The following ZBED1 variants were observed in gnomAD, a reference collection of about 807,000 sequenced individuals.
ZBED1 encodes the protein E3 SUMO-protein ligase ZBED1.
A neutral mutation model predicts 49.7 loss-of-function variants in ZBED1; 19 were observed. The observed-to-expected ratio is 0.38, with a 90% CI of 0.27 to 0.56. ZBED1 has a LOEUF of 0.56. ZBED1 is among the 20% of genes least tolerant of loss of function. ZBED1 has a pLI of 0.70. For missense variants in ZBED1, 806 were observed against 972.6 expected, an observed-to-expected ratio of 0.83 and a Z score of 2.28; for synonymous variants, 439 against 440.3, an observed-to-expected ratio of 1.00 and a Z score of 0.04.
Position 2,488,455 on chromosome X carries a change from A to G in ZBED1, c.*180T>C. Reference sequence around the variant, plus strand: ...CTCCCAAAGTGCTGCGATTATAGACAGGAGCCACCGCCCCCGACCCTCTCT... The same window carrying G: ...CTCCCAAAGTGCTGCGATTATAGACGGGAGCCACCGCCCCCGACCCTCTCT... On this transcript the variant is annotated 3_prime_UTR_variant, in exon 2 of 2. Coordinates refer to ENST00000652001, the MANE Select transcript of ZBED1 (RefSeq NM_001171136.2). The G allele has an allele frequency of 1.2e-6, 1 of 804,028 alleles. No individual in the cohort carries two copies. The highest frequency in any genetic ancestry group is 1.9e-6 in the Non-Finnish European group (1 of 535,490). 49.8% of individuals were successfully genotyped at this position (804,028 alleles called of 1,614,324 possible).
rs1262078391 is a variant in ZBED1, at chrX:2,486,447, G to C, written c.*2188C>G. The C allele has an allele frequency of 6.6e-6, 1 of 152,190 alleles. No individual in the cohort carries two copies. Among genetic ancestry groups the C allele is most frequent in the Non-Finnish European group, 1.5e-5 (1 of 68,036 alleles). The allele number at this position is 152,190 out of a possible 1,614,324, so 9.4% of individuals were successfully genotyped here. ...AATGAGGAGCTAATGCATTGCTCTGGTTTATTGAACAACAGTCCAACTTTA... is the reference window on the plus strand; with the variant it reads ...AATGAGGAGCTAATGCATTGCTCTGCTTTATTGAACAACAGTCCAACTTTA... On this transcript the variant is annotated 3_prime_UTR_variant, in exon 2 of 2. Coordinates refer to ENST00000652001, the MANE Select transcript of ZBED1 (RefSeq NM_001171136.2).
chrX:2,489,680 ACC>A lies in ZBED1; in HGVS notation c.1038_1039del (p.Val347GlufsTer170), dbSNP rs776141992. ...CCCCCACCAGGAGACGCGGTTGCTC[ACC>A]AGCATGCAGTGGGCCACGTTCTGCT... On this transcript the variant is annotated frameshift_variant, in exon 2 of 2. Coordinates refer to ENST00000652001, the MANE Select transcript of ZBED1 (RefSeq NM_001171136.2). LOFTEE classifies it high-confidence loss of function. 6.2e-7 allele frequency: 1 copy of A among 1,612,364 alleles called. No individual in the cohort carries two copies. Among genetic ancestry groups the A allele is most frequent in the Non-Finnish European group, 8.5e-7 (1 of 1,179,758 alleles).
chrX:2,489,032 T>C lies in ZBED1; in HGVS notation c.1688A>G (p.Glu563Gly). 1 of 1,613,444 alleles carries C rather than the reference T, an allele frequency of 6.2e-7. No homozygotes were observed. Residue 563 changes from glutamate (E) to glycine (G), a missense_variant, in exon 2 of 2, where the codon GAG becomes GGG. Transcript: ENST00000652001. ...CTCCTCCACCACCTGGGCATGCCAC[T>C]CTTCCTGGTCCTCCACGCCGCCTGT... ...CQTGGVEDQE[E>G]WHAQVVEELS...
chrX:2,486,437 C>T lies in ZBED1; in HGVS notation c.*2198G>A, dbSNP rs2044931032. On this transcript the variant is annotated 3_prime_UTR_variant, in exon 2 of 2. Transcript: ENST00000652001. Reference sequence around the variant, plus strand: ...CAGACAAATGAATGAGGAGCTAATGCATTGCTCTGGTTTATTGAACAACAG... The same window carrying T: ...CAGACAAATGAATGAGGAGCTAATGTATTGCTCTGGTTTATTGAACAACAG... 1 of 152,204 alleles carries T rather than the reference C, an allele frequency of 6.6e-6. No homozygotes were observed. The highest frequency in any genetic ancestry group is 2.1e-4 in the South Asian group (1 of 4,828). The allele number at this position is 152,204 out of a possible 1,614,324, so 9.4% of individuals were successfully genotyped here. A position where few individuals can be genotyped will look rare whatever the true frequency, so the allele number is the denominator to read the frequency against.
chrX:2,493,307 C>T (rs1271752272), intron 1 of ZBED1, among the ~76,000 whole-genome samples: 1 of 152,138 alleles, frequency 6.6e-6, no homozygotes, highest in Non-Finnish European at 1.5e-5. Flanking sequence ...ACAGCTGTAT[C>T]AGATCCTCCA....
chrX:2,498,364 G>A (rs1257747927), intron 1 of ZBED1, among the ~76,000 whole-genome samples: 1 of 152,172 alleles, frequency 6.6e-6, no homozygotes, highest in Admixed American at 6.5e-5. Context: ...GCCTACCAGA[G>A]AGAAGCAAAT....
chrX:2,500,760 G>C, intron 1 of ZBED1, 57 bp downstream of exon 1: 1 of 788,614 alleles, frequency 1.3e-6, no homozygotes, highest in Non-Finnish European at 1.5e-6. Context: ...CCGCCCCCGA[G>C]CCAGCCCGCG....
Position 2,490,178 on chromosome X carries a change from C to T in ZBED1, c.542G>A (p.Arg181Gln). ...GGCCAGCTCCTTCAGGATCACCTCC[C>T]GGACGGCCCCGTACTTCTCAGGGAT... ...KAIPEKYGAV[R>Q]EVILKELAEA... The change falls in exon 2 of 2, where the codon CGG (arginine) becomes CAG (glutamine). Residue 181 changes from arginine (R) to glutamine (Q), a missense_variant. By Grantham distance (43) the Arg-to-Gln change is conservative. Coordinates refer to ENST00000652001, the MANE Select transcript of ZBED1 (RefSeq NM_001171136.2). The T allele has an allele frequency of 1.9e-6, 3 of 1,613,970 alleles. No individual in the cohort carries two copies. Among genetic ancestry groups the T allele is most frequent in the South Asian group, 1.1e-5 (1 of 91,078 alleles).
Position 2,489,492 on chromosome X carries a change from T to C in ZBED1, c.1228A>G (p.Met410Val), listed in dbSNP as rs770368271. The change falls in exon 2 of 2, where the codon ATG becomes GTG. Residue 410 changes from methionine (M) to valine (V), a missense_variant. By Grantham distance (21) the Met-to-Val change is conservative. Transcript: ENST00000652001. The part of the protein sequence containing the change: ...LLQPFKQVAE[M>V]LSASRYPTIS... ...GTGGGGTACCTGGAGGCCGACAGCA[T>C]CTCGGCCACCTGCTTGAAGGGCTGC... The C allele has an allele frequency of 3.7e-6, 6 of 1,613,404 alleles. No individual in the cohort carries two copies. In the Admixed American group the frequency reaches 8.3e-5, roughly 22 times the overall value.
chrX:2,493,059 G>GAGCCCAT lies in ZBED1; in HGVS notation c.-53-2288_-53-2287insATGGGCT, dbSNP rs2045196464. Among the ~76,000 whole-genome samples, 4 of 152,242 alleles carry GAGCCCAT rather than the reference G, an allele frequency of 2.6e-5. No homozygotes were observed. The South Asian group carries it at 8.3e-4, about 31-fold the overall frequency. On this transcript the variant is annotated intron_variant, in intron 1 of 1. Coordinates refer to ENST00000652001, the MANE Select transcript of ZBED1 (RefSeq NM_001171136.2). The stretch of plus-strand genomic sequence containing the variant: ...GTGAGCTGGGCATTGCCAGAGCCCA[G>GAGCCCAT]CAGTGCCACTTCCCAAGACTGGGGT...
intron 1 of ZBED1, among the ~76,000 whole-genome samples, chrX:2,494,301 C>T (rs1354007499): frequency 6.6e-6 from 1 of 151,842 alleles, no homozygotes; most frequent in East Asian, 1.9e-4. Context: ...GAAGAGGTCT[C>T]GACACCTGGA....
intron 1 of ZBED1, among the ~76,000 whole-genome samples, chrX:2,493,250 G>A (rs752038062): frequency 1.8e-4 from 27 of 152,262 alleles, no homozygotes; most frequent in African/African-American, 6.0e-4. Context: ...AACGGAGGGG[G>A]AAAAGAATCT....
chrX:2,489,543 T>TGGCCCACTCGCTGGC lies in ZBED1; in HGVS notation c.1162_1176dup (p.Ala388_Ala392dup). On this transcript the variant is annotated inframe_insertion, in exon 2 of 2. Coordinates refer to ENST00000652001, the MANE Select transcript of ZBED1 (RefSeq NM_001171136.2). ...AGGAGCTCCACCAGCCCCTCGATGG[T>TGGCCCACTCGCTGGC]GGCCCACTCGCTGGCCTCCAGCATG... is the stretch of plus-strand genomic sequence containing the variant. 6.2e-7 allele frequency: 1 copy of TGGCCCACTCGCTGGC among 1,612,744 alleles called. No individual in the cohort carries two copies. Among genetic ancestry groups the TGGCCCACTCGCTGGC allele is most frequent in the Non-Finnish European group, 8.5e-7 (1 of 1,179,820 alleles).
At chrX:2,499,607 C>CA (rs2045362707) in intron 1 of ZBED1, among the ~76,000 whole-genome samples, 2 of 151,396 alleles carry the variant, frequency 1.3e-5, no homozygotes, top group Admixed American at 1.3e-4. Context: ...GCCATCTCTA[C>CA]AAAAAATTTA....
Position 2,489,113 on chromosome X carries a change from G to T in ZBED1, c.1607C>A (p.Ser536Tyr). The part of the protein sequence containing the change: ...EPPVKKLMRT[S>Y]TPPPASVINN... The stretch of plus-strand genomic sequence containing the variant: ...GATGACGCTGGCGGGCGGCGGCGTG[G>T]ATGTCCGCATGAGCTTCTTGACGGG... Residue 536 changes from serine (S) to tyrosine (Y), a missense_variant, in exon 2 of 2, where the codon TCC (serine) becomes TAC (tyrosine). Physicochemically the swap from Ser to Tyr is moderately radical, Grantham distance 144 (BLOSUM62 -2). Transcript: ENST00000652001. 1 of 1,613,618 alleles carries T rather than the reference G, an allele frequency of 6.2e-7. No individual in the cohort carries two copies. Among genetic ancestry groups the T allele is most frequent in the Non-Finnish European group, 8.5e-7 (1 of 1,179,850 alleles).
chrX:2,493,780 G>A (rs1038713194), intron 1 of ZBED1, among the ~76,000 whole-genome samples: 2 of 152,056 alleles, frequency 1.3e-5, no homozygotes, highest in Non-Finnish European at 2.9e-5. Flanking sequence ...GACCACCCTG[G>A]ACAACATGGT....
In ZBED1 at chrX:2,489,758, T is replaced by C; in HGVS notation, c.962A>G (p.Tyr321Cys). 6.2e-7 allele frequency: 1 copy of C among 1,613,340 alleles called. No individual in the cohort carries two copies. The highest frequency in any genetic ancestry group is 8.5e-7 in the Non-Finnish European group (1 of 1,179,866). The part of the protein sequence containing the change: ...LLSRCRKLVE[Y>C]FQQSAVAMYM... ...CATGGCCACGGCAGACTGCTGGAAGTACTCCACCAGTTTGCGGCAGCGCGA... is the reference window on the plus strand; with the variant it reads ...CATGGCCACGGCAGACTGCTGGAAGCACTCCACCAGTTTGCGGCAGCGCGA... Residue 321 changes from tyrosine to cysteine, a missense_variant, in exon 2 of 2, where the codon TAC (tyrosine) becomes TGC (cysteine). Tyr to Cys is a radical substitution (Grantham distance 194, BLOSUM62 -2). Transcript: ENST00000652001.
intron 1 of ZBED1, among the ~76,000 whole-genome samples, chrX:2,496,836 T>G (rs1413417613): frequency 6.7e-6 from 1 of 149,426 alleles, no homozygotes; most frequent in Non-Finnish European, 1.5e-5. Flanking sequence ...AAATATAACT[T>G]ATTTGTATTT....
At position 2,487,334 on chromosome X, in the gene ZBED1, C is replaced by T. The variant is rs956652506; in HGVS notation, c.*1301G>A. 6.6e-6 allele frequency: 1 copy of T among 152,072 alleles called. No individual in the cohort carries two copies. The highest frequency in any genetic ancestry group is 6.5e-5 in the Admixed American group (1 of 15,270). The allele number at this position is 152,072 out of a possible 1,614,324, so 9.4% of individuals were successfully genotyped here. ...AACTGGACTTTTAGGGCTGAGACACCGAAGACATAACCTCCGGACCCGTGA... is the reference window on the plus strand; with the variant it reads ...AACTGGACTTTTAGGGCTGAGACACTGAAGACATAACCTCCGGACCCGTGA... On this transcript the variant is annotated 3_prime_UTR_variant, in exon 2 of 2. Transcript: ENST00000652001.
Sources: allele counts gnomAD v4.1 joint callset (sites outside exome capture counted in the v4.1 genomes callset), GRCh38; gene constraint gnomAD v4.1.1; transcripts MANE v1.5; gene names NCBI Gene and HGNC (gene_info 2026-07-23, HGNC 2026-07-21).